Variants in MARK1 observed in about 807,000 individuals in gnomAD.
MARK1 encodes microtubule affinity regulating kinase 1.
Under a neutral mutation model 96.3 loss-of-function variants are expected in MARK1, and 40 were observed. That is an observed-to-expected ratio of 0.42 (90% CI 0.32 to 0.54). The LOEUF is 0.54. MARK1 is among the 20% of genes least tolerant of loss of function. The pLI, the probability that MARK1 is intolerant of heterozygous loss-of-function variation, is 0.16. For missense variants in MARK1, 719 were observed against 984.6 expected, an observed-to-expected ratio of 0.73 and a Z score of 3.61; for synonymous variants, 317 against 341.2, an observed-to-expected ratio of 0.93 and a Z score of 0.78.
rs112658399 is a variant in MARK1 at position 220,626,147 on chromosome 1, G to T, written c.910-4888G>T. 4.6e-5 allele frequency: 28 copies of T among 613,322 alleles called. 1 individual carries two copies. Among genetic ancestry groups the T allele is most frequent in the African/African-American group, 2.8e-4 (15 of 54,316 alleles). The allele number at this position is 613,322 out of a possible 1,614,324, so 38.0% of individuals were successfully genotyped here. ...GACATCGCTGTGAATTGGGCTGGGG[G>T]CCTGAACCATGCCAAGAAGCCTGAG... is the stretch of plus-strand genomic sequence containing the variant. On this transcript the variant is annotated intron_variant, in intron 9 of 17. Coordinates refer to ENST00000366917, the MANE Select transcript of MARK1 (RefSeq NM_018650.5).
At chr1:220,608,197 G>A (rs150466986) in intron 6 of MARK1, among the ~76,000 whole-genome samples, 2 of 152,086 alleles carry the variant, frequency 1.3e-5, no homozygotes, top group South Asian at 2.1e-4. Flanking sequence ...ACTTTTTTTG[G>A]TTGCTAGGCT....
intron 9 of MARK1, among the ~76,000 whole-genome samples, chr1:220,630,124 T>C (rs1202131202): frequency 6.6e-6 from 1 of 152,212 alleles, no homozygotes; most frequent in Non-Finnish European, 1.5e-5. Context: ...TCTTGTTTTT[T>C]TGATAGTGGC....
intron 3 of MARK1, among the ~76,000 whole-genome samples, chr1:220,592,234 T>C (rs547825513): frequency 9.1e-5 from 13 of 142,950 alleles, no homozygotes; most frequent in African/African-American, 2.8e-4. Context: ...TATATTATAT[T>C]ATATTATATT....
At chr1:220,627,330 C>G in intron 9 of MARK1, 1 of 501,714 alleles carries the variant, frequency 2.0e-6, no homozygotes, top group South Asian at 1.5e-5. Flanking sequence ...CCAAGAGAGT[C>G]AAAACAGGAT....
At chr1:220,559,265 T>C (rs1444118916) in intron 1 of MARK1, among the ~76,000 whole-genome samples, 2 of 152,004 alleles carry the variant, frequency 1.3e-5, no homozygotes, top group Non-Finnish European at 2.9e-5. Flanking sequence ...AATCTGGAGA[T>C]TGTGGTGTTG....
chr1:220,572,535 G>A (rs1400475362), intron 1 of MARK1, among the ~76,000 whole-genome samples: 3 of 152,182 alleles, frequency 2.0e-5, no homozygotes, highest in Admixed American at 6.5e-5. Flanking sequence ...GAGCCACCGC[G>A]CCTGGTGGTT....
At position 220,631,149 on chromosome 1, in the gene MARK1, A is replaced by G. The variant is rs141261115; in HGVS notation, c.1009+15A>G. 29,918 of 1,578,548 alleles carry G rather than the reference A, an allele frequency of 0.019. 441 individuals are homozygous for G. The highest frequency in any genetic ancestry group is 0.055 in the Middle Eastern group (331 of 5,970). On this transcript the variant is annotated intron_variant, in intron 10 of 17. Transcript: ENST00000366917. ...AAAAAGAATAGGTAAGTATTTAAAC[A>G]TGGTAAGAAGTGCTGTCCCTAGGCA... is the stretch of plus-strand genomic sequence containing the variant.
intron 13 of MARK1, among the ~76,000 whole-genome samples, chr1:220,639,621 G>A (rs1221523348): frequency 6.6e-6 from 1 of 152,118 alleles, no homozygotes; most frequent in Non-Finnish European, 1.5e-5. Flanking sequence ...TTTAACCTCA[G>A]TGGCAAAGAG....
At chr1:220,597,235 A>G (rs1665426029) in intron 3 of MARK1, among the ~76,000 whole-genome samples, 1 of 152,174 alleles carries the variant, frequency 6.6e-6, no homozygotes, top group African/African-American at 2.4e-5. Context: ...ATATACCCAG[A>G]AGTAGAATTA....
chr1:220,537,888 T>C (rs1255724331), intron 1 of MARK1, among the ~76,000 whole-genome samples: 2 of 151,518 alleles, frequency 1.3e-5, no homozygotes, highest in Non-Finnish European at 3.0e-5. Flanking sequence ...ATGTCTTCTT[T>C]TGAGAAGTGT....
chr1:220,581,151 T>G, intron 3 of MARK1, 33 bp downstream of exon 3: 1 of 800,212 alleles, frequency 1.2e-6, no homozygotes, highest in Non-Finnish European at 1.8e-6. Flanking sequence ...AATTAAAATG[T>G]GAGTTTATCA....
chr1:220,553,552 C>A (rs2102750511), intron 1 of MARK1, among the ~76,000 whole-genome samples: 1 of 152,284 alleles, frequency 6.6e-6, no homozygotes, highest in South Asian at 2.1e-4. Context: ...CCTGCTCAAG[C>A]TTTATCTAAT....
intron 11 of MARK1, among the ~76,000 whole-genome samples, chr1:220,633,998 C>A (rs1667814095): frequency 1.3e-5 from 2 of 152,268 alleles, no homozygotes; most frequent in South Asian, 4.2e-4. Flanking sequence ...GTTCTAAGGA[C>A]TTTACAAATA....
rs1292240894 is a variant in MARK1, at chr1:220,663,913, A to C, written c.*1747A>C. ...ACTTGAACAGTTCTCATAATAAAGC[A>C]CTTGTCTTTTGCTCTTTATCAGAAT... On this transcript the variant is annotated 3_prime_UTR_variant, in exon 18 of 18. Coordinates refer to ENST00000366917, the MANE Select transcript of MARK1 (RefSeq NM_018650.5). 6.6e-6 allele frequency: 1 copy of C among 152,582 alleles called. No homozygotes were observed. Among genetic ancestry groups the C allele is most frequent in the Non-Finnish European group, 1.5e-5 (1 of 68,018 alleles). 9.5% of individuals were successfully genotyped at this position (152,582 alleles called of 1,614,324 possible). A position where few individuals can be genotyped will look rare whatever the true frequency, so the allele number is the denominator to read the frequency against.
At chr1:220,658,784 A>G (rs1461640326) in intron 17 of MARK1, among the ~76,000 whole-genome samples, 2 of 152,234 alleles carry the variant, frequency 1.3e-5, no homozygotes, top group African/African-American at 4.8e-5. Flanking sequence ...TCTTTTTAAC[A>G]AACTGTGCTA....
intron 1 of MARK1, among the ~76,000 whole-genome samples, chr1:220,558,999 A>G (rs868147380): frequency 3.3e-5 from 5 of 152,234 alleles, no homozygotes; most frequent in Non-Finnish European, 2.9e-5. Context: ...TAGGTTCAAG[A>G]GGTCAGTTTT....
chr1:220,529,604 ATC>A (rs1359535782), intron 1 of MARK1, among the ~76,000 whole-genome samples: 1 of 152,170 alleles, frequency 6.6e-6, no homozygotes. Context: ...TACTTTAAAT[ATC>A]TCTCCTCCTT....
In MARK1 at chr1:220,618,552, A is replaced by C; in HGVS notation, c.789+6A>C. On this transcript the variant is annotated splice_donor_region_variant and intron_variant, in intron 8 of 17. Coordinates refer to ENST00000366917, the MANE Select transcript of MARK1 (RefSeq NM_018650.5). The surrounding 1 kb of genome is among the most constrained non-coding windows in gnomAD (Gnocchi z 4.6). ...TCGATGGCCAGAATTTAAAGGTATCAGCTAAATTCTTTATTAATGTTTTAT... is the reference window on the plus strand; with the variant it reads ...TCGATGGCCAGAATTTAAAGGTATCCGCTAAATTCTTTATTAATGTTTTAT... The C allele has an allele frequency of 6.2e-7, 1 of 1,612,838 alleles. No homozygotes were observed. The highest frequency in any genetic ancestry group is 8.5e-7 in the Non-Finnish European group (1 of 1,179,050).
chr1:220,595,545 G>C (rs776410609), intron 3 of MARK1, among the ~76,000 whole-genome samples: 1 of 152,202 alleles, frequency 6.6e-6, no homozygotes, highest in African/African-American at 2.4e-5. Context: ...TAGAGCAGAC[G>C]AGGCTCAGAG....
Sources: gnomAD v4.1 joint callset for allele counts (sites outside exome capture counted in the v4.1 genomes callset) on GRCh38, gnomAD v4.1.1 for gene constraint, Gnocchi (gnomAD v3.1) non-coding constraint, MANE v1.5 for transcripts, NCBI Gene and HGNC (gene_info 2026-07-23, HGNC 2026-07-21) for gene names.